The following CADM2 variants were observed in gnomAD, a reference collection of about 807,000 sequenced individuals.
CADM2 encodes immunoglobulin superfamily member 4D.
Under a neutral mutation model 49.8 loss-of-function variants are expected in CADM2, and 12 were observed. That is an observed-to-expected ratio of 0.24 (90% CI 0.15 to 0.39). CADM2 has a LOEUF of 0.39. CADM2 is among the 10% of genes least tolerant of loss of function. CADM2 has a pLI of 1.00. For missense variants in CADM2, 378 were observed against 492.3 expected, an observed-to-expected ratio of 0.77 and a Z score of 2.20; for synonymous variants, 214 against 175.4, an observed-to-expected ratio of 1.22 and a Z score of -1.74.
chr3:85,025,644 G>A (rs541825565), intron 1 of CADM2, among the ~76,000 whole-genome samples: 2 of 152,008 alleles, frequency 1.3e-5, no homozygotes, highest in Admixed American at 6.6e-5. Flanking sequence ...TTTGCATAGC[G>A]CATTAGAGCT....
chr3:85,059,450 T>C (rs1429366056), intron 1 of CADM2, among the ~76,000 whole-genome samples: 1 of 152,204 alleles, frequency 6.6e-6, no homozygotes, highest in Non-Finnish European at 1.5e-5. Context: ...GTTTAAATAA[T>C]GATAACTGAC....
At chr3:85,278,563 A>G (rs528819713) in intron 1 of CADM2, among the ~76,000 whole-genome samples, 3 of 151,530 alleles carry the variant, frequency 2.0e-5, no homozygotes, top group South Asian at 4.1e-4. Flanking sequence ...CTGAGGGCAC[A>G]CATATTATTT....
chr3:85,605,621 A>G (rs1244289059), intron 1 of CADM2, among the ~76,000 whole-genome samples: 1 of 152,064 alleles, frequency 6.6e-6, no homozygotes, highest in Non-Finnish European at 1.5e-5. Flanking sequence ...AGGTCCATGA[A>G]GAAACAGTTG....
At chr3:85,120,904 A>G (rs551639048) in intron 1 of CADM2, among the ~76,000 whole-genome samples, 1 of 152,340 alleles carries the variant, frequency 6.6e-6, no homozygotes, top group South Asian at 2.1e-4. Context: ...ACAAATCTTC[A>G]TTGTAATAAA....
At chr3:85,592,214 A>G (rs1179227257) in intron 1 of CADM2, among the ~76,000 whole-genome samples, 1 of 151,990 alleles carries the variant, frequency 6.6e-6, no homozygotes, top group Non-Finnish European at 1.5e-5. Context: ...ATGCAAACAC[A>G]AGAAGAGAGA....
chr3:84,999,465 C>G (rs1276156083), intron 1 of CADM2, among the ~76,000 whole-genome samples: 2 of 152,140 alleles, frequency 1.3e-5, no homozygotes, highest in East Asian at 3.9e-4. Flanking sequence ...TTCATCACAG[C>G]CTTCTTGCCC....
intron 1 of CADM2, among the ~76,000 whole-genome samples, chr3:85,227,884 T>A (rs2042196731): frequency 6.6e-6 from 1 of 152,216 alleles, no homozygotes; most frequent in Admixed American, 6.5e-5. Flanking sequence ...TTATTTCTCC[T>A]TCACTTATAA....
intron 1 of CADM2, among the ~76,000 whole-genome samples, chr3:85,018,552 A>T (rs2034350402): frequency 6.6e-6 from 1 of 151,968 alleles, no homozygotes; most frequent in South Asian, 2.1e-4. Flanking sequence ...TGGCGGTTTC[A>T]CCATGTTGGC....
At chr3:85,284,417 A>G (rs981062041) in intron 1 of CADM2, among the ~76,000 whole-genome samples, 2 of 152,110 alleles carry the variant, frequency 1.3e-5, no homozygotes, top group Non-Finnish European at 1.5e-5. Flanking sequence ...GATGACTGCT[A>G]TGGATGAAGA....
At chr3:85,231,521 T>A (rs2042288623) in intron 1 of CADM2, among the ~76,000 whole-genome samples, 2 of 151,944 alleles carry the variant, frequency 1.3e-5, no homozygotes, top group Admixed American at 1.3e-4. Context: ...ATATCTAAGA[T>A]ATTATAGTCA....
intron 8 of CADM2, among the ~76,000 whole-genome samples, chr3:86,021,069 G>A (rs538654915): frequency 1.3e-5 from 2 of 152,038 alleles, no homozygotes; most frequent in East Asian, 1.9e-4. Flanking sequence ...ACGAGATCTC[G>A]GCTCACTGCA....
chr3:85,807,353 T>A (rs1446177931), intron 3 of CADM2, among the ~76,000 whole-genome samples: 3 of 151,804 alleles, frequency 2.0e-5, no homozygotes, highest in Admixed American at 1.3e-4. Context: ...ACAAAAATTA[T>A]CTGGGCATGG....
Position 85,471,809 on chromosome 3 carries a change from T to A in CADM2, c.62-254713T>A, listed in dbSNP as rs572041697. Among the ~76,000 whole-genome samples, 6 of 144,314 alleles carry A rather than the reference T, an allele frequency of 4.2e-5. No homozygotes were observed. In the South Asian group the frequency reaches 1.3e-3, roughly 32 times the overall value. 94.7% of individuals were successfully genotyped at this position (144,314 alleles called of 152,430 possible). A position where few individuals can be genotyped will look rare whatever the true frequency, so the allele number is the denominator to read the frequency against. Reference sequence around the variant, plus strand: ...CACTGACAGTGGAAAAATACAAAAGTCAATATTTTTGTTAAAATTCTTATA... The same window carrying A: ...CACTGACAGTGGAAAAATACAAAAGACAATATTTTTGTTAAAATTCTTATA... On this transcript the variant is annotated intron_variant, in intron 1 of 9. Coordinates refer to ENST00000383699, the MANE Select transcript of CADM2 (RefSeq NM_001167675.2).
chr3:85,058,531 G>A (rs2036179927), intron 1 of CADM2, among the ~76,000 whole-genome samples: 1 of 151,984 alleles, frequency 6.6e-6, no homozygotes, highest in African/African-American at 2.4e-5. Flanking sequence ...CACACCCTCT[G>A]TCTCCTGGGT....
intron 3 of CADM2, among the ~76,000 whole-genome samples, chr3:85,853,572 A>G (rs945625008): frequency 1.3e-5 from 2 of 152,016 alleles, no homozygotes; most frequent in African/African-American, 4.8e-5. Context: ...TTCCTTTAAT[A>G]CCACTTATAA....
chr3:85,466,449 G>A (rs1288873951), intron 1 of CADM2, among the ~76,000 whole-genome samples: 1 of 152,092 alleles, frequency 6.6e-6, no homozygotes, highest in Non-Finnish European at 1.5e-5. Flanking sequence ...TAAGACACAC[G>A]CTAAAAACGC....
chr3:85,801,713 A>G (rs756898959), intron 2 of CADM2, among the ~76,000 whole-genome samples: 9 of 152,182 alleles, frequency 5.9e-5, no homozygotes, highest in Non-Finnish European at 1.2e-4. Context: ...TATCTTCAAC[A>G]ATGACCAAGT....
chr3:86,046,689 A>G (rs373759694), intron 8 of CADM2, among the ~76,000 whole-genome samples: 6 of 152,254 alleles, frequency 3.9e-5, no homozygotes, highest in East Asian at 1.9e-4. Flanking sequence ...CATTATCAGC[A>G]TGGACAATAG....
chr3:85,525,058 T>C (rs2061129117), intron 1 of CADM2, among the ~76,000 whole-genome samples: 1 of 152,120 alleles, frequency 6.6e-6, no homozygotes, highest in Non-Finnish European at 1.5e-5. Context: ...ATAACGTAGA[T>C]GACAGGCTGA....
Sources: gnomAD v4.1 joint callset for allele counts (sites outside exome capture counted in the v4.1 genomes callset) on GRCh38, gnomAD v4.1.1 for gene constraint, MANE v1.5 for transcripts, NCBI Gene and HGNC (gene_info 2026-07-23, HGNC 2026-07-21) for gene names.